PDSS2: variants seen among roughly 807,000 people sequenced by gnomAD.
The protein encoded by PDSS2 is decaprenyl diphosphate synthase subunit 2.
PDSS2 carries 31 observed loss-of-function variants against 44.5 expected under a neutral mutation model. That is an observed-to-expected ratio of 0.70 (90% CI 0.52 to 0.94). The LOEUF (loss-of-function observed/expected upper bound fraction) is 0.94, where lower values mean the gene tolerates loss of function less well. Among genes scored for constraint, PDSS2 ranks in the 40% least tolerant of loss-of-function variants. The pLI is 0.00. For missense variants in PDSS2, 452 were observed against 482.2 expected, an observed-to-expected ratio of 0.94 and a Z score of 0.59; for synonymous variants, 157 against 180.3, an observed-to-expected ratio of 0.87 and a Z score of 1.03.
chr6:107,214,318 C>A (rs1257862096), intron 4 of PDSS2, among the ~76,000 whole-genome samples: 1 of 151,952 alleles, frequency 6.6e-6, no homozygotes, highest in African/African-American at 2.4e-5. Context: ...GTCTCGATCT[C>A]CTGACCTCGT....
chr6:107,427,388 G>A (rs887736935), intron 1 of PDSS2, among the ~76,000 whole-genome samples: 1 of 152,096 alleles, frequency 6.6e-6, no homozygotes, highest in African/African-American at 2.4e-5. Flanking sequence ...CCAGTCTCGG[G>A]TATGTCTTTA....
chr6:107,295,399 T>C (rs1776479547), intron 2 of PDSS2, among the ~76,000 whole-genome samples: 1 of 152,210 alleles, frequency 6.6e-6, no homozygotes, highest in African/African-American at 2.4e-5. Context: ...TCCAAGTTCA[T>C]TGATCGCTGA....
chr6:107,372,685 C>G (rs1172427214), intron 1 of PDSS2, among the ~76,000 whole-genome samples: 1 of 152,180 alleles, frequency 6.6e-6, no homozygotes, highest in African/African-American at 2.4e-5. Context: ...ATCTCCTGAC[C>G]TTGTGATCTG....
intron 2 of PDSS2, among the ~76,000 whole-genome samples, chr6:107,289,787 C>T (rs1201627511): frequency 5.9e-5 from 9 of 152,154 alleles, no homozygotes; most frequent in Non-Finnish European, 2.9e-5. Context: ...CAGGCTACCA[C>T]AGCATAATTT....
chr6:107,360,320 T>C (rs1189260601), intron 1 of PDSS2, among the ~76,000 whole-genome samples: 1 of 152,194 alleles, frequency 6.6e-6, no homozygotes, highest in Admixed American at 6.5e-5. Flanking sequence ...CCTGCTGAAG[T>C]ATAAACTGAA....
chr6:107,459,131 A>G lies in PDSS2; in HGVS notation c.155T>C (p.Val52Ala). The G allele has an allele frequency of 6.2e-7, 1 of 1,614,064 alleles. No individual in the cohort carries two copies. Among genetic ancestry groups the G allele is most frequent in the South Asian group, 1.1e-5 (1 of 91,078 alleles). The change falls in exon 1 of 8, where the codon GTA (valine) becomes GCA (alanine). Residue 52 changes from valine (V) to alanine (A), a missense_variant. Val to Ala is a moderately conservative substitution (Grantham distance 64). Transcript: ENST00000369037. The surrounding 1 kb of genome is among the most constrained non-coding windows in gnomAD (Gnocchi z 4.3). ...SSKSPAHWNQVVSEAEKIVGY... is the reference protein window; with the variant it reads ...SSKSPAHWNQAVSEAEKIVGY... ...CACGATCTTCTCCGCCTCTGACACTACCTGATTCCAGTGGGCCGGGGACTT... is the reference window on the plus strand; with the variant it reads ...CACGATCTTCTCCGCCTCTGACACTGCCTGATTCCAGTGGGCCGGGGACTT...
At chr6:107,206,609 A>T (rs1219992865) in intron 6 of PDSS2, among the ~76,000 whole-genome samples, 1 of 137,560 alleles carries the variant, frequency 7.3e-6, no homozygotes, top group African/African-American at 2.6e-5. Context: ...CCTGGACCAC[A>T]CTGGAAGAAG....
chr6:107,456,613 A>T (rs1782052268), intron 1 of PDSS2, among the ~76,000 whole-genome samples: 1 of 152,256 alleles, frequency 6.6e-6, no homozygotes, highest in Admixed American at 6.5e-5. Context: ...GCAGTGGCAC[A>T]ATCACGGCTC....
chr6:107,200,069 A>G (rs1210864621), intron 6 of PDSS2, among the ~76,000 whole-genome samples: 1 of 152,222 alleles, frequency 6.6e-6, no homozygotes. Context: ...CAACCTTAAA[A>G]GCAGTGCGTC....
chr6:107,443,262 A>G (rs932579314), intron 1 of PDSS2, among the ~76,000 whole-genome samples: 16 of 152,244 alleles, frequency 1.1e-4, no homozygotes, highest in Admixed American at 2.0e-4. Flanking sequence ...GCTTTCAAAA[A>G]AGCACATCTG....
chr6:107,154,360 C>A lies in PDSS2; in HGVS notation c.*259G>T, dbSNP rs886060922. 4.6e-6 allele frequency: 2 copies of A among 435,286 alleles called. No individual in the cohort carries two copies. Among genetic ancestry groups the A allele is most frequent in the African/African-American group, 2.0e-5 (1 of 49,710 alleles). 27.0% of individuals were successfully genotyped at this position (435,286 alleles called of 1,614,324 possible). A position where few individuals can be genotyped will look rare whatever the true frequency, so the allele number is the denominator to read the frequency against. On this transcript the variant is annotated 3_prime_UTR_variant, in exon 8 of 8. Transcript: ENST00000369037. ...TGTCCATTTGCTGAGGTCACAGGAG[C>A]GAATCTCATTAATTATTTCTGCGAC...
chr6:107,445,870 T>G (rs995407519), intron 1 of PDSS2, among the ~76,000 whole-genome samples: 4 of 152,196 alleles, frequency 2.6e-5, no homozygotes, highest in Non-Finnish European at 5.9e-5. Flanking sequence ...CACGGTTAAG[T>G]ACTGACAGAG....
intron 1 of PDSS2, among the ~76,000 whole-genome samples, chr6:107,362,530 C>T (rs1300633157): frequency 6.6e-6 from 1 of 152,098 alleles, no homozygotes; most frequent in East Asian, 1.9e-4. Flanking sequence ...TTAGTCCAGG[C>T]AAGTAATAAA....
chr6:107,363,309 G>A (rs1448851826), intron 1 of PDSS2, among the ~76,000 whole-genome samples: 4 of 152,234 alleles, frequency 2.6e-5, no homozygotes, highest in Admixed American at 6.5e-5. Context: ...GAATGAAGCC[G>A]CAGACCCTCG....
chr6:107,315,181 A>G (rs1020024972), intron 2 of PDSS2, among the ~76,000 whole-genome samples: 1 of 152,228 alleles, frequency 6.6e-6, no homozygotes, highest in African/African-American at 2.4e-5. Context: ...ATTTATCAAT[A>G]TTTAATAAAA....
At chr6:107,279,853 G>T (rs889296498) in intron 2 of PDSS2, among the ~76,000 whole-genome samples, 1 of 152,096 alleles carries the variant, frequency 6.6e-6, no homozygotes, top group African/African-American at 2.4e-5. Context: ...ATCATATTTT[G>T]TAAGAGTACA....
chr6:107,394,627 C>T (rs1398335925), intron 1 of PDSS2, among the ~76,000 whole-genome samples: 1 of 152,178 alleles, frequency 6.6e-6, no homozygotes, highest in East Asian at 1.9e-4. Context: ...TGGGTGGGGA[C>T]ACAGATCCAA....
intron 1 of PDSS2, among the ~76,000 whole-genome samples, chr6:107,410,804 G>GT (rs536744807): frequency 1.3e-5 from 2 of 151,672 alleles, no homozygotes; most frequent in East Asian, 2.0e-4. Flanking sequence ...CATCTACCCT[G>GT]TTTTTTTTCA....
rs74585498 is a variant in PDSS2 at position 107,436,198 on chromosome 6, G to A, written c.296+22792C>T. On this transcript the variant is annotated intron_variant, in intron 1 of 7. Coordinates refer to ENST00000369037, the MANE Select transcript of PDSS2 (RefSeq NM_020381.4). The stretch of plus-strand genomic sequence containing the variant: ...CAGATGGATTTTTTTGGTAACTAAT[G>A]GGCCTCTAAGGTGTTTTTAGAAAAG... 9.0e-3 allele frequency among the ~76,000 whole-genome samples: 1,368 copies of A among 152,174 alleles called. 50 individuals carry two copies. The East Asian group carries it at 0.12, about 13-fold the overall frequency.
Sources: allele counts gnomAD v4.1 joint callset (sites outside exome capture counted in the v4.1 genomes callset), GRCh38; gene constraint gnomAD v4.1.1; non-coding constraint Gnocchi (gnomAD v3.1); transcripts MANE v1.5; gene names NCBI Gene and HGNC (gene_info 2026-07-23, HGNC 2026-07-21).